Variants in GDI2 observed in about 807,000 individuals in gnomAD.
GDI2 encodes the protein rab GDP dissociation inhibitor beta.
In GDI2, 22 loss-of-function variants were observed where a neutral mutation model predicts 54.2. That is an observed-to-expected ratio of 0.41 (90% CI 0.29 to 0.58). The LOEUF is 0.58. Ranked by LOEUF, GDI2 falls within the 20% of genes least tolerant of loss-of-function variation. GDI2 has a pLI of 0.35. For missense variants in GDI2, 422 were observed against 546.0 expected (o/e 0.77, Z 2.26); for synonymous variants, 177 against 182.1 (o/e 0.97, Z 0.23).
At chr10:5,794,183 AAAAAAATATAT>A (rs1267389500) in intron 4 of GDI2, among the ~76,000 whole-genome samples, 5 of 53,140 alleles carry the variant, frequency 9.4e-5, no homozygotes, top group East Asian at 8.7e-4. Context: ...AAAAAAAAAA[AAAAAAATATAT>A]ATATATATAT....
At chr10:5,779,817 C>T (rs918482812) in intron 6 of GDI2, among the ~76,000 whole-genome samples, 6 of 151,766 alleles carry the variant, frequency 4.0e-5, no homozygotes, top group East Asian at 1.9e-4. Flanking sequence ...CTCAGCCTCC[C>T]GAATAGCTGG....
intron 4 of GDI2, among the ~76,000 whole-genome samples, chr10:5,786,448 T>C (rs961172030): frequency 2.6e-5 from 4 of 152,046 alleles, no homozygotes; most frequent in African/African-American, 9.7e-5. Context: ...ATTACAGGCA[T>C]GAGCCACCGC....
At chr10:5,801,385 T>C (rs1841266684) in intron 1 of GDI2, among the ~76,000 whole-genome samples, 1 of 152,148 alleles carries the variant, frequency 6.6e-6, no homozygotes, top group Non-Finnish European at 1.5e-5. Context: ...TTTAAGGATG[T>C]CCTTGATAGG....
chr10:5,803,966 C>T (rs912410251), intron 1 of GDI2, among the ~76,000 whole-genome samples: 8 of 152,090 alleles, frequency 5.3e-5, no homozygotes, highest in African/African-American at 7.2e-5. Flanking sequence ...CTTTGAAACC[C>T]GTATTTTTAA....
At chr10:5,798,357 G>A (rs1328184544) in intron 2 of GDI2, among the ~76,000 whole-genome samples, 1 of 152,110 alleles carries the variant, frequency 6.6e-6, no homozygotes, top group Non-Finnish European at 1.5e-5. Flanking sequence ...TGAGGCCAAG[G>A]CAGGCAGATC....
intron 1 of GDI2, among the ~76,000 whole-genome samples, chr10:5,805,421 G>T (rs1232717228): frequency 6.8e-6 from 1 of 147,722 alleles, no homozygotes; most frequent in Non-Finnish European, 1.5e-5. Context: ...TCACTCCGTT[G>T]CCCAGCCTGG....
chr10:5,802,833 A>C (rs1056208395), intron 1 of GDI2, among the ~76,000 whole-genome samples: 2 of 152,206 alleles, frequency 1.3e-5, no homozygotes, highest in Non-Finnish European at 2.9e-5. Flanking sequence ...AAAAAGAGGA[A>C]TTCAAAGTGC....
At chr10:5,779,281 C>T (rs925867791) in intron 6 of GDI2, among the ~76,000 whole-genome samples, 6 of 151,928 alleles carry the variant, frequency 3.9e-5, no homozygotes, top group African/African-American at 1.5e-4. Flanking sequence ...GAGGCTGAGG[C>T]GGGCGGATCA....
In GDI2 at chr10:5,774,347, G is replaced by C. The variant is rs764349564; in HGVS notation, c.720-406C>G. On this transcript the variant is annotated intron_variant, in intron 6 of 10. Transcript: ENST00000380191. The surrounding 1 kb of genome is among the most constrained non-coding windows in gnomAD (Gnocchi z 4.8). ...AAAGAACTGAGGTTGCTGCAGACCC[G>C]TACGGATTCATCTCAGCACGGTAAC... 6.6e-6 allele frequency among the ~76,000 whole-genome samples: 1 copy of C among 152,086 alleles called. No homozygotes were observed.
At position 5,800,615 on chromosome 10, in the gene GDI2, T is replaced by C. The variant is rs200426511; in HGVS notation, c.136A>G (p.Ile46Val). 9.7e-6 allele frequency: 15 copies of C among 1,551,016 alleles called. No individual in the cohort carries two copies. The highest frequency in any genetic ancestry group is 8.9e-5 in the South Asian group (8 of 89,886). Reference protein sequence around the residue: ...NPYYGGESASITPLEDLYKRF... With the variant: ...NPYYGGESASVTPLEDLYKRF... ...ACACTTACATCTTCCAATGGTGTTA[T>C]AGATGCACTCTCTCCTCCGTAGTAA... Residue 46 changes from isoleucine (I) to valine (V), a missense_variant, in exon 2 of 11, where the codon ATA (isoleucine) becomes GTA (valine). Coordinates refer to ENST00000380191, the MANE Select transcript of GDI2 (RefSeq NM_001494.4).
chr10:5,767,783 G>A (rs1840391662), intron 8 of GDI2, among the ~76,000 whole-genome samples: 1 of 152,216 alleles, frequency 6.6e-6, no homozygotes, highest in Non-Finnish European at 1.5e-5. Flanking sequence ...TGCAATTTTA[G>A]AGCCATGTCC....
chr10:5,790,242 C>T (rs17143628), intron 4 of GDI2, among the ~76,000 whole-genome samples: 37,299 of 152,086 alleles, frequency 0.25, 4,675 homozygotes, highest in Admixed American at 0.3. Context: ...ACTTTTGGTA[C>T]CAATAAGTCC....
intron 6 of GDI2, among the ~76,000 whole-genome samples, chr10:5,781,593 C>G (rs1256035388): frequency 1.4e-5 from 2 of 147,494 alleles, no homozygotes; most frequent in East Asian, 4.0e-4. Context: ...CCACTGCAAT[C>G]CGGCCTGGGC....
At position 5,794,225 on chromosome 10, in the gene GDI2, AT is replaced by A. The variant is rs1215767970; in HGVS notation, c.388+659del. ...TATATATATATATATATATATATAT[AT>A]ATATATAAAACTCACCAGGAGTTCC... On this transcript the variant is annotated intron_variant, in intron 4 of 10. Coordinates refer to ENST00000380191, the MANE Select transcript of GDI2 (RefSeq NM_001494.4). Among the ~76,000 whole-genome samples the A allele has an allele frequency of 1.3e-4, 17 of 127,334 alleles. 1 individual carries two copies. Among genetic ancestry groups the A allele is most frequent in the African/African-American group, 4.5e-4 (15 of 33,604 alleles). The allele number at this position is 127,334 out of a possible 152,430, so 83.5% of individuals were successfully genotyped here. A position where few individuals can be genotyped will look rare whatever the true frequency, so the allele number is the denominator to read the frequency against.
At chr10:5,801,233 G>GT (rs1325172681) in intron 1 of GDI2, among the ~76,000 whole-genome samples, 2 of 152,124 alleles carry the variant, frequency 1.3e-5, no homozygotes, top group Non-Finnish European at 2.9e-5. Flanking sequence ...GATTACAGGC[G>GT]TAAGCCATCG....
intron 3 of GDI2, among the ~76,000 whole-genome samples, chr10:5,796,437 AAAT>A (rs1308347357): frequency 6.6e-6 from 1 of 152,256 alleles, no homozygotes; most frequent in Non-Finnish European, 1.5e-5. Context: ...AAAAACATTA[AAAT>A]AATGCTGTTT....
chr10:5,800,655 A>T lies in GDI2; in HGVS notation c.96T>A (p.His32Gln). The change falls in exon 2 of 11, where the codon CAT becomes CAA. Residue 32 changes from histidine to glutamine, a missense_variant. Coordinates refer to ENST00000380191, the MANE Select transcript of GDI2 (RefSeq NM_001494.4). ...CTCCGTAGTAAGGGTTTCGATCCAT[A>T]TGAAGAACTTTCTTGCCATTCACTG... The part of the protein sequence containing the change: ...IMSVNGKKVL[H>Q]MDRNPYYGGE... 1.2e-6 allele frequency: 2 copies of T among 1,601,520 alleles called. No homozygotes were observed. Among genetic ancestry groups the T allele is most frequent in the Non-Finnish European group, 1.7e-6 (2 of 1,168,446 alleles).
rs1175261024 is a variant in GDI2, at chr10:5,785,195, G to A, written c.666C>T (p.Ser222=). Residue 222 remains serine, a synonymous_variant, in exon 6 of 11, where the codon AGC becomes AGT. Coordinates refer to ENST00000380191, the MANE Select transcript of GDI2 (RefSeq NM_001494.4). ...YSESLARYGK[S]PYLYPLYGLG... Reference sequence around the variant, plus strand: ...GGCCATAGAGTGGATAAAGGTATGGGCTTTTGCCATATCTTGCCAAAGATT... The same window carrying A: ...GGCCATAGAGTGGATAAAGGTATGGACTTTTGCCATATCTTGCCAAAGATT... 6.2e-7 allele frequency: 1 copy of A among 1,610,346 alleles called. No individual in the cohort carries two copies. The highest frequency in any genetic ancestry group is 1.7e-5 in the Admixed American group (1 of 59,950).
intron 1 of GDI2, among the ~76,000 whole-genome samples, chr10:5,808,726 T>A (rs61832869): frequency 2.2e-5 from 3 of 138,288 alleles, no homozygotes; most frequent in African/African-American, 8.2e-5. Context: ...AAACTACAAA[T>A]ACACACACAC....
Sources: allele counts gnomAD v4.1 joint callset (sites outside exome capture counted in the v4.1 genomes callset), GRCh38; gene constraint gnomAD v4.1.1; non-coding constraint Gnocchi (gnomAD v3.1); transcripts MANE v1.5; gene names NCBI Gene and HGNC (gene_info 2026-07-23, HGNC 2026-07-21).